The following EYS variants were observed in gnomAD, a reference collection of about 807,000 sequenced individuals.
The protein encoded by EYS is EGF-like photoreceptor maintenance factor.
EYS carries 250 observed loss-of-function variants against 282.1 expected under a neutral mutation model. That is an observed-to-expected ratio of 0.89 (90% CI 0.80 to 0.98). EYS has a LOEUF of 0.98. Ranked by LOEUF, EYS falls within the 50% of genes least tolerant of loss-of-function variation. The pLI is 0.00. For synonymous variants in EYS, 1,355 were observed against 1,282.9 expected, an observed-to-expected ratio of 1.06 and a Z score of -1.20; for missense variants, 4,016 against 3,709.0, an observed-to-expected ratio of 1.08 and a Z score of -2.15.
At chr6:65,168,923 A>C (rs939474882) in intron 12 of EYS, among the ~76,000 whole-genome samples, 9 of 151,358 alleles carry the variant, frequency 5.9e-5, no homozygotes, top group Non-Finnish European at 1.2e-4. Flanking sequence ...CTGGATATCC[A>C]TCTTCTTACA....
chr6:63,829,353 C>T (rs549016754), intron 36 of EYS, among the ~76,000 whole-genome samples: 1 of 152,270 alleles, frequency 6.6e-6, no homozygotes, highest in East Asian at 1.9e-4. Context: ...AAAATTGGGA[C>T]ACTCCCACCC....
intron 14 of EYS, among the ~76,000 whole-genome samples, chr6:64,974,778 GA>G (rs1324218224): frequency 1.3e-5 from 2 of 151,814 alleles, no homozygotes; most frequent in East Asian, 3.9e-4. Flanking sequence ...ACAGCACAAA[GA>G]ACAAGGACTT....
intron 31 of EYS, among the ~76,000 whole-genome samples, chr6:64,140,896 G>C (rs1314415451): frequency 6.6e-6 from 1 of 152,044 alleles, no homozygotes; most frequent in African/African-American, 2.4e-5. Context: ...TGTGCCATCT[G>C]TTTCCTACTG....
intron 12 of EYS, among the ~76,000 whole-genome samples, chr6:65,166,990 G>A (rs114617776): frequency 1.3e-4 from 19 of 151,040 alleles, no homozygotes; most frequent in African/African-American, 4.4e-4. Flanking sequence ...AAACCATAAC[G>A]AAATACCCCT....
intron 30 of EYS, among the ~76,000 whole-genome samples, chr6:64,293,460 T>G (rs1302454529): frequency 1.3e-5 from 2 of 152,084 alleles, no homozygotes; most frequent in East Asian, 1.9e-4. Context: ...TTCCTTCTAT[T>G]AAAATACTTC....
chr6:65,068,911 T>G (rs551361693), intron 12 of EYS, among the ~76,000 whole-genome samples: 1 of 152,172 alleles, frequency 6.6e-6, no homozygotes, highest in African/African-American at 2.4e-5. Flanking sequence ...ACTTTTAAAT[T>G]TCTCTGCACT....
intron 26 of EYS, among the ~76,000 whole-genome samples, chr6:64,482,832 T>C (rs1429772358): frequency 6.6e-6 from 1 of 151,694 alleles, no homozygotes; most frequent in African/African-American, 2.4e-5. Flanking sequence ...GATGACTAAG[T>C]ATATTTTTTC....
At chr6:64,447,079 T>C (rs1183438077) in intron 26 of EYS, among the ~76,000 whole-genome samples, 10 of 152,032 alleles carry the variant, frequency 6.6e-5, no homozygotes, top group Admixed American at 6.6e-4. Context: ...TAAATATAAT[T>C]AATATTGAAA....
chr6:64,661,846 C>A (rs1357810632), intron 22 of EYS, among the ~76,000 whole-genome samples: 2 of 138,356 alleles, frequency 1.4e-5, no homozygotes, highest in Non-Finnish European at 1.5e-5. Context: ...GGATCTAGAA[C>A]TAGAAATACC....
chr6:63,919,197 G>A (rs892589524), intron 35 of EYS, among the ~76,000 whole-genome samples: 1 of 151,952 alleles, frequency 6.6e-6, no homozygotes, highest in African/African-American at 2.4e-5. Flanking sequence ...TTTGGGGCAG[G>A]TATTGACAGG....
chr6:64,872,128 G>A (rs1269737060), intron 19 of EYS, among the ~76,000 whole-genome samples: 4 of 151,972 alleles, frequency 2.6e-5, no homozygotes, highest in African/African-American at 9.7e-5. Flanking sequence ...AATAAGTACA[G>A]TTGACAACTC....
chr6:64,707,884 A>C (rs963648937), intron 22 of EYS, among the ~76,000 whole-genome samples: 2 of 152,082 alleles, frequency 1.3e-5, no homozygotes, highest in African/African-American at 2.4e-5. Flanking sequence ...AAAAGAAAAA[A>C]AACATGAAGT....
chr6:65,041,103 C>T (rs552046102), intron 13 of EYS, among the ~76,000 whole-genome samples: 8 of 151,734 alleles, frequency 5.3e-5, no homozygotes, highest in South Asian at 2.1e-4. Context: ...AAATTTAAGA[C>T]GAGTTATCTG....
chr6:65,450,826 G>A (rs891303351), intron 5 of EYS, among the ~76,000 whole-genome samples: 8 of 152,058 alleles, frequency 5.3e-5, no homozygotes, highest in Non-Finnish European at 1.2e-4. Context: ...CTAGACTTAT[G>A]CTGAAGAATT....
intron 35 of EYS, among the ~76,000 whole-genome samples, chr6:63,896,333 T>TC (rs758843418): frequency 6.6e-6 from 1 of 152,216 alleles, no homozygotes; most frequent in Non-Finnish European, 1.5e-5. Context: ...GCCCCTCAGA[T>TC]TATTTTGTAT....
intron 22 of EYS, among the ~76,000 whole-genome samples, chr6:64,680,443 A>T (rs1426366971): frequency 6.6e-6 from 1 of 152,228 alleles, no homozygotes; most frequent in Non-Finnish European, 1.5e-5. Flanking sequence ...ACAACCCATT[A>T]ACCACAACTT....
chr6:64,903,008 T>A (rs1009042166), intron 16 of EYS, among the ~76,000 whole-genome samples: 8 of 152,052 alleles, frequency 5.3e-5, no homozygotes, highest in African/African-American at 1.9e-4. Flanking sequence ...CACATGCCAG[T>A]TATATTAAAA....
At position 65,382,389 on chromosome 6, in the gene EYS, A is replaced by T. The variant is rs541163226; in HGVS notation, c.1299+1997T>A. Among the ~76,000 whole-genome samples, 217 of 147,128 alleles carry T rather than the reference A, an allele frequency of 1.5e-3. 2 individuals carry two copies. The highest frequency in any genetic ancestry group is 3.6e-3 in the Middle Eastern group (1 of 278). On this transcript the variant is annotated intron_variant, in intron 8 of 42. Coordinates refer to ENST00000503581, the MANE Select transcript of EYS (RefSeq NM_001142800.2). ...AAGATGTTCCTTTGTTAGTTAAATT[A>T]TCTTAGTGTTTCTGAGGGAATTCAA...
At chr6:65,395,221 G>A (rs1375169474) in intron 7 of EYS, among the ~76,000 whole-genome samples, 2 of 152,066 alleles carry the variant, frequency 1.3e-5, no homozygotes, top group African/African-American at 2.4e-5. Context: ...GCGCCACCAT[G>A]CCCGGCTAAT....
Sources: gnomAD v4.1 joint callset for allele counts (sites outside exome capture counted in the v4.1 genomes callset) on GRCh38, gnomAD v4.1.1 for gene constraint, MANE v1.5 for transcripts, NCBI Gene and HGNC (gene_info 2026-07-23, HGNC 2026-07-21) for gene names.